The following GALNT13 variants were observed in gnomAD, a reference collection of about 807,000 sequenced individuals.
GALNT13 encodes polypeptide N-acetylgalactosaminyltransferase 13.
A neutral mutation model predicts 64.2 loss-of-function variants in GALNT13; 28 were observed. The ratio of observed to expected loss-of-function variants is 0.44; its 90% CI spans 0.32 to 0.60. The LOEUF is 0.60. Ranked by LOEUF, GALNT13 falls within the 20% of genes least tolerant of loss-of-function variation. The probability of loss-of-function intolerance (pLI) is 0.05; values close to 1 mark genes in which losing one functional copy is unlikely to be tolerated. For missense variants in GALNT13, 577 were observed against 669.8 expected, an observed-to-expected ratio of 0.86 and a Z score of 1.53; for synonymous variants, 214 against 224.6, an observed-to-expected ratio of 0.95 and a Z score of 0.42.
At chr2:153,515,364 C>CT in the GALNT13 span, among the ~76,000 whole-genome samples, 82 of 152,344 alleles carry the variant, frequency 5.4e-4, 1 homozygote, top group East Asian at 0.013. Flanking sequence ...TTTCAAGCTT[C>CT]TGTGCTTTGC....
At chr2:154,262,888 C>T (rs1029472694) in intron 8 of GALNT13, among the ~76,000 whole-genome samples, 1 of 151,754 alleles carries the variant, frequency 6.6e-6, no homozygotes, top group Admixed American at 6.6e-5. Context: ...TAAAATGAAC[C>T]AAGAAAATTA....
chr2:153,196,333 A>C, the GALNT13 span, among the ~76,000 whole-genome samples: 1 of 151,886 alleles, frequency 6.6e-6, no homozygotes, highest in African/African-American at 2.4e-5. Context: ...TATGCTTGTC[A>C]GTGCCCAAAG....
chr2:153,113,401 A>G, the GALNT13 span, among the ~76,000 whole-genome samples: 1 of 151,860 alleles, frequency 6.6e-6, no homozygotes, highest in Non-Finnish European at 1.5e-5. Flanking sequence ...TAGATTCTCT[A>G]TTTTTCTGTT....
the GALNT13 span, among the ~76,000 whole-genome samples, chr2:153,686,386 GTATTT>G: frequency 6.6e-6 from 1 of 151,892 alleles, no homozygotes; most frequent in East Asian, 1.9e-4. Flanking sequence ...GTATTCCTAG[GTATTT>G]TATTATTTTT....
At chr2:153,138,702 G>A in the GALNT13 span, among the ~76,000 whole-genome samples, 4 of 152,036 alleles carry the variant, frequency 2.6e-5, no homozygotes, top group Non-Finnish European at 5.9e-5. Context: ...TTTGAATTAA[G>A]TACTCATTTT....
intron 9 of GALNT13, among the ~76,000 whole-genome samples, chr2:154,370,810 T>C (rs940408940): frequency 2.6e-5 from 4 of 152,104 alleles, no homozygotes; most frequent in African/African-American, 9.7e-5. Flanking sequence ...ATTTGAAAAT[T>C]ATAGCTAGTA....
the GALNT13 span, among the ~76,000 whole-genome samples, chr2:153,208,708 C>A: frequency 6.6e-6 from 1 of 152,100 alleles, no homozygotes; most frequent in Non-Finnish European, 1.5e-5. Flanking sequence ...GTATATTTAA[C>A]TTGATAGGTA....
intron 9 of GALNT13, among the ~76,000 whole-genome samples, chr2:154,325,622 G>A (rs2105175975): frequency 6.6e-6 from 1 of 151,450 alleles, no homozygotes; most frequent in East Asian, 1.9e-4. Flanking sequence ...TAATTATTGT[G>A]GATACATAAT....
chr2:153,781,136 A>C, the GALNT13 span, among the ~76,000 whole-genome samples: 1 of 152,216 alleles, frequency 6.6e-6, no homozygotes. Context: ...CAAAGGCACT[A>C]AAGATTTTGG....
At chr2:153,714,432 C>A in the GALNT13 span, among the ~76,000 whole-genome samples, 1 of 152,282 alleles carries the variant, frequency 6.6e-6, no homozygotes, top group Non-Finnish European at 1.5e-5. Context: ...TATTTTACTG[C>A]ATGCTTTCAA....
At chr2:153,267,963 A>C in the GALNT13 span, among the ~76,000 whole-genome samples, 1 of 152,176 alleles carries the variant, frequency 6.6e-6, no homozygotes, top group Non-Finnish European at 1.5e-5. Flanking sequence ...CATCCTTGAC[A>C]TGTGGGGATT....
the GALNT13 span, among the ~76,000 whole-genome samples, chr2:153,489,990 C>A: frequency 6.8e-6 from 1 of 146,994 alleles, no homozygotes; most frequent in African/African-American, 2.7e-5. Flanking sequence ...TACACACACA[C>A]ACACACACAC....
the GALNT13 span, among the ~76,000 whole-genome samples, chr2:153,656,444 G>A: frequency 1.3e-5 from 2 of 151,902 alleles, no homozygotes; most frequent in African/African-American, 4.8e-5. Context: ...ACTGCACTTA[G>A]CTGTGAGTCG....
the GALNT13 span, among the ~76,000 whole-genome samples, chr2:153,639,194 G>A: frequency 3.3e-5 from 5 of 151,924 alleles, no homozygotes; most frequent in African/African-American, 1.2e-4. Context: ...GGAAAGGCAT[G>A]AGGTATGTTA....
At chr2:153,183,374 C>A in the GALNT13 span, among the ~76,000 whole-genome samples, 3 of 152,000 alleles carry the variant, frequency 2.0e-5, no homozygotes, top group East Asian at 5.8e-4. Flanking sequence ...AGGTATTAGA[C>A]CTTTGTCAGA....
At chr2:154,021,962 T>G (rs1188560095) in intron 3 of GALNT13, among the ~76,000 whole-genome samples, 1 of 152,196 alleles carries the variant, frequency 6.6e-6, no homozygotes, top group Non-Finnish European at 1.5e-5. Flanking sequence ...GAGATAATCA[T>G]GTGGTTTTTG....
chr2:153,291,524 A>C, the GALNT13 span, among the ~76,000 whole-genome samples: 2 of 152,116 alleles, frequency 1.3e-5, no homozygotes, highest in Non-Finnish European at 2.9e-5. Context: ...TGCTCTGGTC[A>C]GTGCTAGAGC....
At chr2:153,517,947 A>G in the GALNT13 span, among the ~76,000 whole-genome samples, 5 of 152,196 alleles carry the variant, frequency 3.3e-5, no homozygotes, top group African/African-American at 1.2e-4. Flanking sequence ...ATAAGAAGAC[A>G]TATCAATAGC....
chr2:153,393,951 C>G, the GALNT13 span, among the ~76,000 whole-genome samples: 4 of 83,450 alleles, frequency 4.8e-5, no homozygotes, highest in Non-Finnish European at 1.0e-4. Flanking sequence ...TCTGTCTACA[C>G]ACACACACAC....
Sources: gnomAD v4.1 joint callset for allele counts (sites outside exome capture counted in the v4.1 genomes callset) on GRCh38, gnomAD v4.1.1 for gene constraint, MANE v1.5 for transcripts, NCBI Gene and HGNC (gene_info 2026-07-23, HGNC 2026-07-21) for gene names.